The following SIPA1L1 variants were observed in gnomAD, a reference collection of about 807,000 sequenced individuals.
SIPA1L1 encodes signal-induced proliferation-associated 1-like protein 1.
In SIPA1L1, 26 loss-of-function variants were observed where a neutral mutation model predicts 162.7. The observed-to-expected ratio is 0.16, with a 90% CI of 0.12 to 0.22. The LOEUF is 0.22. Ranked by LOEUF, SIPA1L1 falls within the 10% of genes least tolerant of loss-of-function variation. The pLI is 1.00. For synonymous variants in SIPA1L1, 829 were observed against 837.4 expected, an observed-to-expected ratio of 0.99 and a Z score of 0.17; for missense variants, 1,874 against 2,241.0, an observed-to-expected ratio of 0.84 and a Z score of 3.31.
intron 2 of SIPA1L1, among the ~76,000 whole-genome samples, chr14:71,484,159 C>T (rs955883495): frequency 1.3e-5 from 2 of 152,044 alleles, no homozygotes; most frequent in African/African-American, 4.8e-5. Context: ...TCTTTGAGGT[C>T]GTGAGTTCTC....
chr14:71,337,077 C>G (rs2035172488), intron 2 of SIPA1L1, among the ~76,000 whole-genome samples: 2 of 152,120 alleles, frequency 1.3e-5, no homozygotes, highest in South Asian at 4.1e-4. Context: ...CATGTGCCAC[C>G]CTGGAGGAAC....
intron 10 of SIPA1L1, among the ~76,000 whole-genome samples, chr14:71,668,066 A>G (rs2044188324): frequency 1.3e-5 from 2 of 149,004 alleles, no homozygotes; most frequent in African/African-American, 4.9e-5. Flanking sequence ...CTCCGTCTCA[A>G]AAAAAAAAAA....
intron 2 of SIPA1L1, among the ~76,000 whole-genome samples, chr14:71,390,204 A>C (rs1433911187): frequency 1.3e-5 from 2 of 152,222 alleles, no homozygotes; most frequent in Non-Finnish European, 2.9e-5. Flanking sequence ...TGTGTTAAAC[A>C]ATCCAAATAT....
chr14:71,724,913 T>C (rs376243171), intron 19 of SIPA1L1, 78 bp downstream of exon 19: 10 of 1,335,026 alleles, frequency 7.5e-6, no homozygotes, highest in East Asian at 7.1e-5. Context: ...AGTCACACTT[T>C]CCAGAAAGTG....
chr14:71,697,155 T>G (rs2081699685), intron 13 of SIPA1L1, among the ~76,000 whole-genome samples: 1 of 152,086 alleles, frequency 6.6e-6, no homozygotes, highest in East Asian at 1.9e-4. Context: ...AGAGGGTGGG[T>G]TGGGGCTGCT....
chr14:71,438,178 A>G (rs1334762552), intron 2 of SIPA1L1, among the ~76,000 whole-genome samples: 2 of 152,200 alleles, frequency 1.3e-5, no homozygotes, highest in African/African-American at 4.8e-5. Flanking sequence ...ACTCGTCACC[A>G]TAGTAATTCT....
chr14:71,446,321 A>G (rs2045338784), intron 2 of SIPA1L1, among the ~76,000 whole-genome samples: 2 of 152,334 alleles, frequency 1.3e-5, no homozygotes, highest in South Asian at 4.1e-4. Context: ...TGTATTTTCT[A>G]AAACAAAATT....
At chr14:71,614,262 A>T (rs1596423207) in intron 5 of SIPA1L1, among the ~76,000 whole-genome samples, 1 of 151,724 alleles carries the variant, frequency 6.6e-6, no homozygotes, top group East Asian at 1.9e-4. Context: ...ATGCATGGTG[A>T]TTTGCTGAAT....
At chr14:71,518,991 A>C (rs2052022064) in intron 3 of SIPA1L1, among the ~76,000 whole-genome samples, 1 of 152,098 alleles carries the variant, frequency 6.6e-6, no homozygotes, top group South Asian at 2.1e-4. Flanking sequence ...TCACTATCAC[A>C]ACAATAGCAT....
At chr14:71,372,952 T>G (rs184470786) in intron 2 of SIPA1L1, among the ~76,000 whole-genome samples, 20 of 152,266 alleles carry the variant, frequency 1.3e-4, no homozygotes, top group Middle Eastern at 3.4e-3. Flanking sequence ...TGGATGGAAC[T>G]GTGGATAGTA....
chr14:71,522,025 G>T (rs956070575), intron 3 of SIPA1L1, among the ~76,000 whole-genome samples: 1 of 152,136 alleles, frequency 6.6e-6, no homozygotes, highest in Non-Finnish European at 1.5e-5. Flanking sequence ...ATAATTTATT[G>T]TGTGTCTGTT....
chr14:71,434,315 C>T (rs367884518), intron 2 of SIPA1L1, among the ~76,000 whole-genome samples: 1 of 152,030 alleles, frequency 6.6e-6, no homozygotes, highest in East Asian at 1.9e-4. Context: ...TACATATACT[C>T]TTGATGTTTC....
rs1333631039 is a variant in SIPA1L1 at position 71,739,306 on chromosome 14, A to C, written c.*145A>C. On this transcript the variant is annotated 3_prime_UTR_variant, in exon 24 of 24. Coordinates refer to ENST00000381232, the MANE Select transcript of SIPA1L1 (RefSeq NM_001386936.1). ...CCTTTCGGGGAGTGCACAACACAAT[A>C]GTTGCAGATCAACAATCATCACCTG... The C allele has an allele frequency of 1.1e-5, 6 of 567,342 alleles. No individual in the cohort carries two copies. The East Asian group carries it at 1.6e-4, about 15-fold the overall frequency. The allele number at this position is 567,342 out of a possible 1,614,324, so 35.1% of individuals were successfully genotyped here.
At chr14:71,428,300 A>G (rs1459157690) in intron 2 of SIPA1L1, among the ~76,000 whole-genome samples, 1 of 151,832 alleles carries the variant, frequency 6.6e-6, no homozygotes, top group East Asian at 1.9e-4. Flanking sequence ...CCTGGCTGAA[A>G]ACTGGACATT....
chr14:71,539,546 T>C (rs531442895), intron 4 of SIPA1L1, among the ~76,000 whole-genome samples: 30 of 152,356 alleles, frequency 2.0e-4, no homozygotes, highest in Admixed American at 1.8e-3. Context: ...TAAATTTCTT[T>C]TGGCAGTGAC....
At chr14:71,703,083 C>G (rs1005009014) in intron 15 of SIPA1L1, among the ~76,000 whole-genome samples, 51 of 152,258 alleles carry the variant, frequency 3.3e-4, no homozygotes, top group Middle Eastern at 3.4e-3. Context: ...CCCTTTCTTT[C>G]TATATATATG....
rs776374950 is a variant in SIPA1L1, at chr14:71,587,858, A to G, written c.-15A>G. 1.4e-5 allele frequency: 22 copies of G among 1,592,636 alleles called. No individual in the cohort carries two copies. The highest frequency in any genetic ancestry group is 1.7e-4 in the Middle Eastern group (1 of 5,934). ...GTCCTTGCTGCAGGGATTTAAGTCT[A>G]CTTGCTTTTACATCATGACCAGCTT... On this transcript the variant is annotated 5_prime_UTR_variant, in exon 5 of 24. Coordinates refer to ENST00000381232, the MANE Select transcript of SIPA1L1 (RefSeq NM_001386936.1).
At chr14:71,503,535 G>T (rs1365863030) in intron 2 of SIPA1L1, among the ~76,000 whole-genome samples, 1 of 152,120 alleles carries the variant, frequency 6.6e-6, no homozygotes, top group Non-Finnish European at 1.5e-5. Context: ...GTTCAGAGTG[G>T]CTAATTGTGA....
chr14:71,408,723 T>C (rs529736842), intron 2 of SIPA1L1, among the ~76,000 whole-genome samples: 1 of 152,182 alleles, frequency 6.6e-6, no homozygotes, highest in East Asian at 1.9e-4. Flanking sequence ...AGAAGTACAG[T>C]AGGAATCTCT....
Sources: gnomAD v4.1 joint callset for allele counts (sites outside exome capture counted in the v4.1 genomes callset) on GRCh38, gnomAD v4.1.1 for gene constraint, MANE v1.5 for transcripts, NCBI Gene and HGNC (gene_info 2026-07-23, HGNC 2026-07-21) for gene names.